Variants in ZPBP observed in about 807,000 individuals in gnomAD.
ZPBP encodes zona pellucida-binding protein 1.
Under a neutral mutation model 44.8 loss-of-function variants are expected in ZPBP, and 26 were observed. That is an observed-to-expected ratio of 0.58 (90% CI 0.43 to 0.81). The LOEUF is 0.81. ZPBP is among the 30% of genes least tolerant of loss of function. The pLI is 0.00. For synonymous variants in ZPBP, 174 were observed against 153.2 expected (o/e 1.14, Z -1.00); for missense variants, 409 against 434.0 (o/e 0.94, Z 0.51).
intron 5 of ZPBP, among the ~76,000 whole-genome samples, chr7:50,022,445 T>A (rs533431754): frequency 1.3e-5 from 2 of 152,142 alleles, no homozygotes; most frequent in South Asian, 4.1e-4. Context: ...CTGGAATCAA[T>A]TCAAACTAGT....
chr7:50,026,679 C>G (rs1391253633), intron 5 of ZPBP, among the ~76,000 whole-genome samples: 1 of 151,854 alleles, frequency 6.6e-6, no homozygotes, highest in African/African-American at 2.4e-5. Context: ...CAGGGCTCAG[C>G]TGGCATGTCA....
At chr7:49,960,134 CAG>C (rs1343176479) in intron 7 of ZPBP, among the ~76,000 whole-genome samples, 1 of 151,970 alleles carries the variant, frequency 6.6e-6, no homozygotes, top group Admixed American at 6.6e-5. Flanking sequence ...TTAAAAAACA[CAG>C]AGGCCGGGCG....
chr7:49,936,490 C>A (rs933754643), downstream of ZPBP, among the ~76,000 whole-genome samples: 1 of 152,156 alleles, frequency 6.6e-6, no homozygotes, highest in Non-Finnish European at 1.5e-5. Flanking sequence ...TGTCCTCCTG[C>A]CAATGTATTG....
At chr7:49,948,963 C>T (rs1486513929) in intron 7 of ZPBP, among the ~76,000 whole-genome samples, 2 of 152,036 alleles carry the variant, frequency 1.3e-5, no homozygotes, top group African/African-American at 4.8e-5. Context: ...ATATTAAAGC[C>T]CTAATCTCCA....
intron 2 of ZPBP, among the ~76,000 whole-genome samples, chr7:49,889,463 G>T (rs559639203): frequency 5.3e-4 from 81 of 152,302 alleles, no homozygotes; most frequent in African/African-American, 1.9e-3. Context: ...ATGCATGAGA[G>T]GCAGAAGATG....
chr7:49,977,742 G>A (rs1277639961), intron 7 of ZPBP, among the ~76,000 whole-genome samples: 3 of 152,166 alleles, frequency 2.0e-5, no homozygotes, highest in East Asian at 3.9e-4. Flanking sequence ...ATAATAATCA[G>A]TGGCAAACAG....
chr7:49,964,389 T>C (rs1350705394), intron 7 of ZPBP, among the ~76,000 whole-genome samples: 2 of 152,038 alleles, frequency 1.3e-5, no homozygotes, highest in African/African-American at 4.8e-5. Context: ...TATCAAATCC[T>C]GAGGTATCTA....
intron 5 of ZPBP, among the ~76,000 whole-genome samples, chr7:50,020,140 G>A (rs1483103055): frequency 6.6e-6 from 1 of 151,872 alleles, no homozygotes; most frequent in Non-Finnish European, 1.5e-5. Flanking sequence ...AATAACCTAA[G>A]GTACAGCTTT....
chr7:49,871,499 T>C (rs1791145862), intron 2 of ZPBP, among the ~76,000 whole-genome samples: 2 of 152,156 alleles, frequency 1.3e-5, no homozygotes, highest in African/African-American at 4.8e-5. Context: ...TTGTTACAGA[T>C]GAGTTGGCTT....
chr7:50,021,596 A>G (rs1191476969), intron 5 of ZPBP, among the ~76,000 whole-genome samples: 2 of 152,164 alleles, frequency 1.3e-5, no homozygotes, highest in African/African-American at 4.8e-5. Flanking sequence ...AGAAAGTGGC[A>G]AAAAGAGTAT....
chr7:49,947,306 C>T (rs890963349), intron 7 of ZPBP, among the ~76,000 whole-genome samples: 2 of 152,020 alleles, frequency 1.3e-5, no homozygotes, highest in African/African-American at 4.8e-5. Flanking sequence ...TTGTGGTCTT[C>T]GCAGTCTGGG....
intron 1 of ZPBP, among the ~76,000 whole-genome samples, chr7:49,929,209 T>G (rs942111496): frequency 3.3e-5 from 5 of 152,148 alleles, no homozygotes; most frequent in Non-Finnish European, 7.3e-5. Context: ...ATTAAAGAAG[T>G]CAGATAAATG....
chr7:49,847,005 T>C (rs890596907), downstream of ZPBP, among the ~76,000 whole-genome samples: 1 of 152,220 alleles, frequency 6.6e-6, no homozygotes, highest in African/African-American at 2.4e-5. Flanking sequence ...CTGCAGAATT[T>C]AACTCTAACT....
chr7:50,039,755 A>G (rs1584099243), intron 4 of ZPBP, among the ~76,000 whole-genome samples: 2 of 152,196 alleles, frequency 1.3e-5, no homozygotes, highest in African/African-American at 4.8e-5. Context: ...TTCTACTCTC[A>G]GCTTATTTGA....
At chr7:49,947,736 C>T (rs1795164088) in intron 7 of ZPBP, among the ~76,000 whole-genome samples, 1 of 152,202 alleles carries the variant, frequency 6.6e-6, no homozygotes, top group Admixed American at 6.5e-5. Context: ...TCACTGAAGA[C>T]CCAAGGGCTC....
intron 4 of ZPBP, among the ~76,000 whole-genome samples, chr7:50,049,642 C>T (rs895014162): frequency 7.9e-5 from 12 of 151,806 alleles, no homozygotes; most frequent in African/African-American, 7.3e-5. Flanking sequence ...CAAATATAAA[C>T]GTAGAATAAG....
rs1443464759 is a variant in ZPBP at position 49,910,103 on chromosome 7, C to A, written n.412-8888G>T. On this transcript the variant is annotated intron_variant and non_coding_transcript_variant, in intron 1 of 2. Transcript: ENST00000465922. The stretch of plus-strand genomic sequence containing the variant: ...CTCCAGCCTGGGTGACAGAGCAATA[C>A]CCTGTCTCAAACACAAAACAAACAA... Among the ~76,000 whole-genome samples, 4 of 152,108 alleles carry A rather than the reference C, an allele frequency of 2.6e-5. No homozygotes were observed. The East Asian group carries it at 5.8e-4, about 22-fold the overall frequency.
At position 49,911,913 on chromosome 7, in the gene ZPBP, A is replaced by ATACACG. The variant is rs1206521140; in HGVS notation, n.412-10699_412-10698insCGTGTA. The ATACACG allele has an allele frequency of 1.1e-5, 8 of 721,530 alleles. No homozygotes were observed. In the African/African-American group the frequency reaches 1.3e-4, roughly 12 times the overall value. 44.7% of individuals were successfully genotyped at this position (721,530 alleles called of 1,614,324 possible). Reference sequence around the variant, plus strand: ...CTCTGTCTCAAAAACAAACAAACAAACAAATACACGCACACACACACACAC... The same window carrying ATACACG: ...CTCTGTCTCAAAAACAAACAAACAAATACACGCAAATACACGCACACACACACACAC... On this transcript the variant is annotated intron_variant and non_coding_transcript_variant, in intron 1 of 2. Transcript: ENST00000465922.
chr7:50,023,201 C>T (rs1182867747), intron 5 of ZPBP, among the ~76,000 whole-genome samples: 1 of 152,042 alleles, frequency 6.6e-6, no homozygotes, highest in Non-Finnish European at 1.5e-5. Flanking sequence ...CTCTAGCCCT[C>T]TCAGTGTAAA....
Sources: allele counts gnomAD v4.1 joint callset (sites outside exome capture counted in the v4.1 genomes callset), GRCh38; gene constraint gnomAD v4.1.1; transcripts MANE v1.5; gene names NCBI Gene and HGNC (gene_info 2026-07-23, HGNC 2026-07-21).